The following ERAP2 variants were observed in gnomAD, a reference collection of about 807,000 sequenced individuals.
ERAP2 encodes the protein endoplasmic reticulum aminopeptidase 2, also known as leukocyte-derived arginine aminopeptidase.
In ERAP2, 118 loss-of-function variants were observed where a neutral mutation model predicts 111.1. The observed-to-expected ratio is 1.06, with a 90% CI of 0.92 to 1.24. The LOEUF is 1.24. Among genes scored for constraint, ERAP2 ranks in the 50% most tolerant of loss-of-function variants. The probability of loss-of-function intolerance (pLI) is 0.00; values close to 1 mark genes in which losing one functional copy is unlikely to be tolerated. For synonymous variants in ERAP2, 410 were observed against 401.2 expected (o/e 1.02, Z -0.26); for missense variants, 1,131 against 1,125.8 (o/e 1.00, Z -0.07).
rs565269405 is a variant in ERAP2 at position 96,918,866 on chromosome 5, T to A, written c.*1261T>A. ...TTTATAACCCAGCTTTAGCATTTCTTCATATTTTAAGGAAACCCCCCACCT... is the reference window on the plus strand; with the variant it reads ...TTTATAACCCAGCTTTAGCATTTCTACATATTTTAAGGAAACCCCCCACCT... On this transcript the variant is annotated 3_prime_UTR_variant, in exon 19 of 19. Coordinates refer to ENST00000437043, the MANE Select transcript of ERAP2 (RefSeq NM_022350.5). 1 of 152,326 alleles carries A rather than the reference T, an allele frequency of 6.6e-6. No individual in the cohort carries two copies. The highest frequency in any genetic ancestry group is 2.4e-5 in the African/African-American group (1 of 41,568). The allele number at this position is 152,326 out of a possible 1,614,324, so 9.4% of individuals were successfully genotyped here.
intron 9 of ERAP2, among the ~76,000 whole-genome samples, chr5:96,899,401 G>A (rs1291562539): frequency 1.3e-5 from 2 of 152,144 alleles, no homozygotes; most frequent in African/African-American, 4.8e-5. Context: ...GCCCACCATT[G>A]TGTCACATAA....
chr5:96,883,653 G>A, intron 2 of ERAP2, 139 bp from the exon 3 acceptor site: 1 of 822,070 alleles, frequency 1.2e-6, no homozygotes, highest in Admixed American at 3.3e-5. Flanking sequence ...CAAAGAGACA[G>A]TTGAGATTCA....
chr5:96,901,320 G>A (rs1785437076), intron 10 of ERAP2, among the ~76,000 whole-genome samples, 186 bp from the exon 11 acceptor site: 1 of 152,114 alleles, frequency 6.6e-6, no homozygotes, highest in South Asian at 2.1e-4. Context: ...CAAGTAATTT[G>A]CAGAGAGCAG....
chr5:96,900,681 A>G (rs1785353542), intron 10 of ERAP2, among the ~76,000 whole-genome samples: 1 of 151,952 alleles, frequency 6.6e-6, no homozygotes. Flanking sequence ...ACATAAATTT[A>G]TATTTATTTA....
chr5:96,903,684 A>T, intron 13 of ERAP2, 124 bp downstream of exon 13: 2 of 837,698 alleles, frequency 2.4e-6, no homozygotes, highest in African/African-American at 3.4e-5. Context: ...GAATTCAAAC[A>T]GTGATCACTA....
At chr5:96,878,600 C>A (rs1782804322) in intron 1 of ERAP2, among the ~76,000 whole-genome samples, 1 of 151,946 alleles carries the variant, frequency 6.6e-6, no homozygotes, top group South Asian at 2.1e-4. Context: ...TTGAGGCCAG[C>A]CTGGGCAACA....
chr5:96,903,098 C>G (rs960369765), intron 12 of ERAP2, among the ~76,000 whole-genome samples: 1 of 152,188 alleles, frequency 6.6e-6, no homozygotes, highest in African/African-American at 2.4e-5. Context: ...ATCTGGCTCA[C>G]TGGGCCCTTC....
chr5:96,909,618 G>A lies in ERAP2; in HGVS notation c.2208G>A (p.Arg736=), dbSNP rs1356936628. The A allele has an allele frequency of 6.2e-7, 1 of 1,614,148 alleles. No individual in the cohort carries two copies. Among genetic ancestry groups the A allele is most frequent in the South Asian group, 1.1e-5 (1 of 91,082 alleles). Residue 736 remains arginine (R), a synonymous_variant, in exon 15 of 19, where the codon AGG becomes AGA. Coordinates refer to ENST00000437043, the MANE Select transcript of ERAP2 (RefSeq NM_022350.5). ...AGTATTTTAAGCCAGTGATTGACAG[G>A]CAAAGCTGGAGTGACAAGGGCTCAG... The part of the protein sequence containing the change: ...LLQYFKPVID[R]QSWSDKGSVW...
At chr5:96,895,510 G>C (rs1350565193) in intron 7 of ERAP2, 151 bp downstream of exon 7, 2 of 644,182 alleles carry the variant, frequency 3.1e-6, no homozygotes, top group African/African-American at 3.8e-5. Context: ...ACAGATCACA[G>C]AACTGGATGA....
intron 18 of ERAP2, 124 bp downstream of exon 18, chr5:96,915,893 T>C (rs1787324446): frequency 1.4e-6 from 1 of 739,216 alleles, no homozygotes; most frequent in Non-Finnish European, 2.1e-6. Flanking sequence ...GTTTGTCCAA[T>C]GCCATATAGC....
chr5:96,903,510 C>T lies in ERAP2; in HGVS notation c.1962C>T (p.Leu654=), dbSNP rs767812264. The T allele has an allele frequency of 1.2e-6, 2 of 1,613,934 alleles. No individual in the cohort carries two copies. The highest frequency in any genetic ancestry group is 1.7e-5 in the Admixed American group (1 of 59,994). The stretch of plus-strand genomic sequence containing the variant: ...AGCTGAATCAGAACCACACACTTCT[C>T]AGACCTAAGGACAGAGTAGGTCTGA... ...ITQLNQNHTL[L]RPKDRVGLIH... The change falls in exon 13 of 19, where the codon CTC becomes CTT. Residue 654 remains leucine, a synonymous_variant. Transcript: ENST00000437043.
At chr5:96,896,071 C>T (rs1008301301) in intron 7 of ERAP2, among the ~76,000 whole-genome samples, 12 of 152,050 alleles carry the variant, frequency 7.9e-5, no homozygotes, top group African/African-American at 2.9e-4. Context: ...GGTCTAGGCA[C>T]GTAACAAGTA....
At chr5:96,890,373 A>T (rs1340706188) in intron 5 of ERAP2, among the ~76,000 whole-genome samples, 1 of 152,118 alleles carries the variant, frequency 6.6e-6, no homozygotes, top group Non-Finnish European at 1.5e-5. Context: ...GAATCTAATG[A>T]CACCTCTGAT....
At position 96,909,580 on chromosome 5, in the gene ERAP2, C is replaced by A; in HGVS notation, c.2170C>A (p.Arg724Ser). 2 of 1,613,022 alleles carry A rather than the reference C, an allele frequency of 1.2e-6. No homozygotes were observed. Among genetic ancestry groups the A allele is most frequent in the Non-Finnish European group, 1.7e-6 (2 of 1,179,080 alleles). The change falls in exon 15 of 19, where the codon CGT becomes AGT. Residue 724 changes from arginine (R) to serine (S), a missense_variant and splice_region_variant. This residue lies in a region of ERAP2 where 847 missense variants were observed against 856.5 expected (regional missense o/e 0.99). Transcript: ENST00000437043. ...GTTAACCATCTCATATTTTCTGCAG[C>A]GTTACCTTCTTCAGTATTTTAAGCC... ...NISDISENLK[R>S]YLLQYFKPVI...
At chr5:96,876,323 A>C (rs549982292), upstream of ERAP2, 1 of 152,444 alleles carries the variant, frequency 6.6e-6, no homozygotes, top group Non-Finnish European at 1.5e-5. Flanking sequence ...TCTACTCCAA[A>C]GCCACTTATT....
rs780179825 is a variant in ERAP2, at chr5:96,909,750, C to T, written c.2340C>T (p.Ser780=). 1.2e-6 allele frequency: 2 copies of T among 1,613,960 alleles called. No homozygotes were observed. The highest frequency in any genetic ancestry group is 1.7e-6 in the Non-Finnish European group (2 of 1,179,892). The part of the protein sequence containing the change: ...AAELFSQWME[S]SGKLNIPTDV... ...AACTCTTCTCCCAGTGGATGGAATC[C>T]AGTGGAAAATTAAAGTAGATGTAGA... The change falls in exon 15 of 19, where the codon TCC becomes TCT. Residue 780 remains serine, a synonymous_variant. Coordinates refer to ENST00000437043, the MANE Select transcript of ERAP2 (RefSeq NM_022350.5).
intron 1 of ERAP2, among the ~76,000 whole-genome samples, chr5:96,876,777 AT>A (rs1181166065): frequency 1.3e-5 from 2 of 151,986 alleles, no homozygotes; most frequent in African/African-American, 4.8e-5. Context: ...GTTTGTGACA[AT>A]TCTTGCCTCT....
At chr5:96,889,362 C>T (rs1784092706) in intron 5 of ERAP2, 57 bp downstream of exon 5, 1 of 1,572,686 alleles carries the variant, frequency 6.4e-7, no homozygotes, top group Admixed American at 1.7e-5. Context: ...TTGCTTTGAT[C>T]TCTTCCCTCT....
intron 2 of ERAP2, chr5:96,881,283 G>C (rs984203132): frequency 2.0e-5 from 8 of 401,226 alleles, no homozygotes; most frequent in Non-Finnish European, 3.5e-5. Flanking sequence ...AGTAGTTCAG[G>C]TAAGAAGTGA....
Sources: allele counts gnomAD v4.1 joint callset (sites outside exome capture counted in the v4.1 genomes callset), GRCh38; gene constraint gnomAD v4.1.1; regional missense constraint gnomAD v4.1.1; transcripts MANE v1.5; gene names NCBI Gene and HGNC (gene_info 2026-07-23, HGNC 2026-07-21).